Variants in ZMAT3 observed in about 807,000 individuals in gnomAD.
ZMAT3 encodes zinc finger matrin-type protein 3.
A neutral mutation model predicts 32.3 loss-of-function variants in ZMAT3; 17 were observed. The observed-to-expected ratio is 0.53, with a 90% CI of 0.36 to 0.79. The LOEUF (loss-of-function observed/expected upper bound fraction) is 0.79. Among genes scored for constraint, ZMAT3 ranks in the 30% least tolerant of loss-of-function variants. ZMAT3 has a pLI of 0.00. For missense variants in ZMAT3, 329 were observed against 359.7 expected, an observed-to-expected ratio of 0.91 and a Z score of 0.69; for synonymous variants, 120 against 133.1, an observed-to-expected ratio of 0.90 and a Z score of 0.68.
chr3:179,043,434 C>A (rs1381841794), intron 2 of ZMAT3, among the ~76,000 whole-genome samples: 1 of 148,238 alleles, frequency 6.7e-6, no homozygotes, highest in African/African-American at 2.5e-5. Flanking sequence ...CTACAACCAT[C>A]TGATCTTTGA....
chr3:179,026,253 T>C (rs2108534326), intron 5 of ZMAT3, among the ~76,000 whole-genome samples: 1 of 152,248 alleles, frequency 6.6e-6, no homozygotes, highest in South Asian at 2.1e-4. Context: ...AATACAGCTA[T>C]CCCAGCTTCT....
chr3:179,068,869 C>G (rs1334931676), intron 1 of ZMAT3, among the ~76,000 whole-genome samples: 1 of 152,178 alleles, frequency 6.6e-6, no homozygotes, highest in East Asian at 1.9e-4. Flanking sequence ...CATGGCTTCT[C>G]TTGAAAAAGG....
rs371106695 is a variant in ZMAT3 at position 179,039,496 on chromosome 3, T to A, written c.271-8497A>T. Among the ~76,000 whole-genome samples, 3 of 152,200 alleles carry A rather than the reference T, an allele frequency of 2.0e-5. No individual in the cohort carries two copies. In the East Asian group the frequency reaches 5.8e-4, roughly 29 times the overall value. Reference sequence around the variant, plus strand: ...AACAGACCTGCAGCTGAGGGACCTATTAGAAGGAAAACTAACAAACAGAAA... The same window carrying A: ...AACAGACCTGCAGCTGAGGGACCTAATAGAAGGAAAACTAACAAACAGAAA... On this transcript the variant is annotated intron_variant, in intron 2 of 5. Coordinates refer to ENST00000311417, the MANE Select transcript of ZMAT3 (RefSeq NM_022470.4).
intron 2 of ZMAT3, among the ~76,000 whole-genome samples, chr3:179,052,710 C>T (rs1360052257): frequency 6.6e-6 from 1 of 152,120 alleles, no homozygotes; most frequent in Non-Finnish European, 1.5e-5. Context: ...ACATTTATAC[C>T]AGCACAATTT....
rs1201948249 is a variant in ZMAT3 at position 179,045,232 on chromosome 3, C to G, written c.271-14233G>C. Among the ~76,000 whole-genome samples the G allele has an allele frequency of 3.3e-5, 5 of 152,040 alleles. No homozygotes were observed. In the East Asian group the frequency reaches 9.6e-4, roughly 29 times the overall value. On this transcript the variant is annotated intron_variant, in intron 2 of 5. Coordinates refer to ENST00000311417, the MANE Select transcript of ZMAT3 (RefSeq NM_022470.4). ...AGTGCAGTGTCATAGAAGTCTGGAACAAAGTGGCTCAAAAGAAGAGTCTAG... is the reference window on the plus strand; with the variant it reads ...AGTGCAGTGTCATAGAAGTCTGGAAGAAAGTGGCTCAAAAGAAGAGTCTAG...
intron 2 of ZMAT3, among the ~76,000 whole-genome samples, chr3:179,064,387 G>A (rs1054907624): frequency 3.3e-5 from 5 of 151,932 alleles, no homozygotes; most frequent in Non-Finnish European, 7.4e-5. Flanking sequence ...ACAATCATTG[G>A]CATTCTACTT....
intron 2 of ZMAT3, among the ~76,000 whole-genome samples, chr3:179,054,123 A>G (rs551626465): frequency 6.6e-6 from 1 of 152,334 alleles, no homozygotes; most frequent in South Asian, 2.1e-4. Flanking sequence ...AATGTTGATA[A>G]AATAAAAATA....
Position 179,030,945 on chromosome 3 carries a change from G to A in ZMAT3, c.325C>T (p.Pro109Ser), listed in dbSNP as rs1310398374. Residue 109 changes from proline (P) to serine (S), a missense_variant, in exon 3 of 6, where the codon CCT becomes TCT. Pro to Ser is a moderately conservative substitution (Grantham distance 74). Transcript: ENST00000311417. ...RNYYAANSCP[P>S]PARMSNVVEP... Reference sequence around the variant, plus strand: ...ACCACATTGCTCATTCTAGCAGGAGGAGGACAGCTATTTGCTGCATAGTAA... The same window carrying A: ...ACCACATTGCTCATTCTAGCAGGAGAAGGACAGCTATTTGCTGCATAGTAA... The A allele has an allele frequency of 1.2e-6, 2 of 1,613,898 alleles. No homozygotes were observed. The highest frequency in any genetic ancestry group is 1.7e-5 in the Admixed American group (1 of 59,968).
At chr3:179,069,890 T>C (rs1160741026) in intron 1 of ZMAT3, among the ~76,000 whole-genome samples, 2 of 152,200 alleles carry the variant, frequency 1.3e-5, no homozygotes, top group Non-Finnish European at 2.9e-5. Context: ...AGTTTTAACA[T>C]TTAAAAAGTC....
chr3:179,037,498 G>A lies in ZMAT3; in HGVS notation c.271-6499C>T, dbSNP rs147429469. Among the ~76,000 whole-genome samples the A allele has an allele frequency of 3.6e-3, 549 of 152,278 alleles. 4 individuals are homozygous for A. Among genetic ancestry groups the A allele is most frequent in the Admixed American group, 8.8e-3 (135 of 15,302 alleles). ...TCAGCGGGCGCAGGATCCAGGCCAA[G>A]GCACAAGCCGAGCACAGCCTGCCAG... On this transcript the variant is annotated intron_variant, in intron 2 of 5. Transcript: ENST00000311417.
chr3:179,027,119 A>AT, intron 5 of ZMAT3, among the ~76,000 whole-genome samples: 1 of 152,304 alleles, frequency 6.6e-6, no homozygotes, highest in East Asian at 1.9e-4. Context: ...CAAGTAGCCC[A>AT]TTTTTATCAT....
chr3:179,066,203 G>A (rs56248770), intron 2 of ZMAT3, among the ~76,000 whole-genome samples: 36,972 of 152,052 alleles, frequency 0.24, 5,809 homozygotes, highest in East Asian at 0.51. Context: ...GCAAGGTGAT[G>A]AGAGTACGTA....
At chr3:179,044,935 C>T (rs182504322) in intron 2 of ZMAT3, among the ~76,000 whole-genome samples, 1,551 of 151,982 alleles carry the variant, frequency 0.01, 15 homozygotes, top group Non-Finnish European at 0.014. Flanking sequence ...ATGTAAATGA[C>T]GAGTTGATGG....
At chr3:179,071,472 G>C (rs1166896951) in intron 1 of ZMAT3, 123 bp downstream of exon 1, 4 of 152,268 alleles carry the variant, frequency 2.6e-5, no homozygotes, top group African/African-American at 9.6e-5. Context: ...CTGATAAATA[G>C]AAGCAGCGCA....
chr3:179,030,854 G>C (rs1418133084), intron 3 of ZMAT3, 26 bp downstream of exon 3: 6 of 1,601,418 alleles, frequency 3.7e-6, no homozygotes, highest in African/African-American at 2.7e-5. Flanking sequence ...CCCTAATGCT[G>C]CTTCACCCTG....
chr3:179,064,311 T>C (rs1041685670), intron 2 of ZMAT3, among the ~76,000 whole-genome samples: 1 of 152,234 alleles, frequency 6.6e-6, no homozygotes, highest in Admixed American at 6.5e-5. Flanking sequence ...AATTAGTAAG[T>C]TTTTAGTCTT....
At chr3:179,035,401 C>T (rs1178931261) in intron 2 of ZMAT3, among the ~76,000 whole-genome samples, 2 of 152,176 alleles carry the variant, frequency 1.3e-5, no homozygotes, top group African/African-American at 2.4e-5. Context: ...TTCCTTTTGC[C>T]TAGAATGTAC....
At chr3:179,056,302 C>A (rs565396454) in intron 2 of ZMAT3, among the ~76,000 whole-genome samples, 1 of 151,088 alleles carries the variant, frequency 6.6e-6, no homozygotes, top group East Asian at 1.9e-4. Context: ...GAGGAGCAGG[C>A]GAAACGGGAC....
rs1404312302 is a variant in ZMAT3 at position 179,067,610 on chromosome 3, G to C, written c.143C>G (p.Ala48Gly). ...PFGQEASLPL[A>G]GEEELSKGGE... is the part of the protein sequence containing the mutation. ...TCCCTTCGATAACTCTTCTTCCCCT[G>C]CAAGAGGCAAGGAAGCCTCCTGCCC... is the stretch of plus-strand genomic sequence containing the variant. Residue 48 changes from alanine (A) to glycine (G), a missense_variant, in exon 2 of 6, where the codon GCA (alanine) becomes GGA (glycine). Ala to Gly is a moderately conservative substitution (Grantham distance 60). Coordinates refer to ENST00000311417, the MANE Select transcript of ZMAT3 (RefSeq NM_022470.4). 10 of 1,614,012 alleles carry C rather than the reference G, an allele frequency of 6.2e-6. No homozygotes were observed. The highest frequency in any genetic ancestry group is 8.5e-6 in the Non-Finnish European group (10 of 1,180,026).
Sources: gnomAD v4.1 joint callset for allele counts (sites outside exome capture counted in the v4.1 genomes callset) on GRCh38, gnomAD v4.1.1 for gene constraint, MANE v1.5 for transcripts, NCBI Gene and HGNC (gene_info 2026-07-23, HGNC 2026-07-21) for gene names.